Variants in PRMT3 observed in about 807,000 individuals in gnomAD.
PRMT3 encodes the protein protein arginine N-methyltransferase 3.
In PRMT3, 62 loss-of-function variants were observed where a neutral mutation model predicts 71.9. The ratio of observed to expected loss-of-function variants is 0.86; its 90% CI spans 0.70 to 1.07. The LOEUF (loss-of-function observed/expected upper bound fraction) is 1.07, where lower values mean the gene tolerates loss of function less well. Ranked by LOEUF, PRMT3 falls within the 50% of genes least tolerant of loss-of-function variation. The pLI is 0.00. For synonymous variants in PRMT3, 213 were observed against 220.4 expected (o/e 0.97, Z 0.30); for missense variants, 663 against 643.0 (o/e 1.03, Z -0.34).
At chr11:20,408,826 G>T (rs1224702759) in intron 9 of PRMT3, among the ~76,000 whole-genome samples, 3 of 152,166 alleles carry the variant, frequency 2.0e-5, no homozygotes, top group Admixed American at 6.5e-5. Context: ...AGGCATGGTG[G>T]CTCATGTCTG....
At position 20,508,443 on chromosome 11, in the gene PRMT3, T is replaced by G. The variant is rs1470726351; in HGVS notation, c.*30T>G. ...GCCATAAAAGCACACTACCTTGTAGTTTTTAATGTGGGGGTAGAGTGGGTC... is the reference window on the plus strand; with the variant it reads ...GCCATAAAAGCACACTACCTTGTAGGTTTTAATGTGGGGGTAGAGTGGGTC... On this transcript the variant is annotated 3_prime_UTR_variant, in exon 16 of 16. Transcript: ENST00000331079. The G allele has an allele frequency of 1.3e-6, 2 of 1,490,200 alleles. No individual in the cohort carries two copies. The highest frequency in any genetic ancestry group is 3.3e-5 in the Admixed American group (2 of 59,824). 92.3% of individuals were successfully genotyped at this position (1,490,200 alleles called of 1,614,324 possible).
intron 11 of PRMT3, among the ~76,000 whole-genome samples, chr11:20,453,999 A>T (rs568434813): frequency 9.8e-5 from 15 of 152,308 alleles, no homozygotes; most frequent in African/African-American, 3.6e-4. Context: ...TTAATGACTT[A>T]AAAACAACAT....
At position 20,395,908 on chromosome 11, in the gene PRMT3, C is replaced by T; in HGVS notation, c.506C>T (p.Ala169Val). The change falls in exon 6 of 16, where the codon GCA becomes GTA. Residue 169 changes from alanine (A) to valine (V), a missense_variant. Transcript: ENST00000331079. Reference sequence around the variant, plus strand: ...AAATTGAAACATATGGAAGCCAGGGCACTGTCTGCTGAAGCCGCATTGGCC... The same window carrying T: ...AAATTGAAACATATGGAAGCCAGGGTACTGTCTGCTGAAGCCGCATTGGCC... ...VEKLKHMEAR[A>V]LSAEAALARA... 6.2e-7 allele frequency: 1 copy of T among 1,614,138 alleles called. No homozygotes were observed.
At chr11:20,395,689 A>G in intron 5 of PRMT3, 114 bp from the exon 6 acceptor site, 1 of 1,000,424 alleles carries the variant, frequency 1.0e-6, no homozygotes, top group Non-Finnish European at 1.4e-6. Flanking sequence ...ACTTTCACTA[A>G]TCTTTCTCAA....
At chr11:20,492,794 C>T (rs1590108120) in intron 13 of PRMT3, among the ~76,000 whole-genome samples, 2 of 152,286 alleles carry the variant, frequency 1.3e-5, no homozygotes, top group South Asian at 4.1e-4. Context: ...TGCAGTGGCT[C>T]ACACCTCTAA....
At chr11:20,404,245 TTTTTTTTG>T (rs1849022267) in intron 8 of PRMT3, among the ~76,000 whole-genome samples, 1 of 48,878 alleles carries the variant, frequency 2.0e-5, no homozygotes, top group African/African-American at 6.0e-5. Context: ...TTTTTTTTTT[TTTTTTTTG>T]AGACAGAGTC....
At chr11:20,422,185 C>G (rs532525985) in intron 9 of PRMT3, among the ~76,000 whole-genome samples, 7 of 152,252 alleles carry the variant, frequency 4.6e-5, no homozygotes, top group African/African-American at 1.7e-4. Flanking sequence ...TGATGTGTTT[C>G]CCTGATTGTT....
chr11:20,407,994 T>A lies in PRMT3; in HGVS notation c.855T>A (p.Asp285Glu), dbSNP rs1202552582. The change falls in exon 9 of 16, where the codon GAT (aspartate) becomes GAA (glutamate). Residue 285 changes from aspartate to glutamate, a missense_variant. By Grantham distance (45) the Asp-to-Glu change is conservative. Coordinates refer to ENST00000331079, the MANE Select transcript of PRMT3 (RefSeq NM_005788.4). ...KAGAKKVLGVDQSEILYQAMD... is the reference protein window; with the variant it reads ...KAGAKKVLGVEQSEILYQAMD... Reference sequence around the variant, plus strand: ...GGGCGAAGAAGGTTCTTGGAGTTGATCAATCTGAAATACTTTACCAGGCAA... The same window carrying A: ...GGGCGAAGAAGGTTCTTGGAGTTGAACAATCTGAAATACTTTACCAGGCAA... 1 of 1,597,196 alleles carries A rather than the reference T, an allele frequency of 6.3e-7. No homozygotes were observed. The highest frequency in any genetic ancestry group is 1.7e-5 in the Admixed American group (1 of 59,940).
chr11:20,402,238 G>C (rs2133312547), intron 7 of PRMT3, among the ~76,000 whole-genome samples: 1 of 152,110 alleles, frequency 6.6e-6, no homozygotes, highest in South Asian at 2.1e-4. Context: ...TCCTGCCTCA[G>C]CCTCCCCAGT....
intron 11 of PRMT3, among the ~76,000 whole-genome samples, chr11:20,457,761 CT>C (rs967606238): frequency 3.3e-5 from 5 of 152,216 alleles, no homozygotes; most frequent in African/African-American, 9.6e-5. Context: ...TAATCAGCCA[CT>C]GGCATTGGTT....
At chr11:20,493,098 G>C (rs1851247575) in intron 13 of PRMT3, among the ~76,000 whole-genome samples, 1 of 150,218 alleles carries the variant, frequency 6.7e-6, no homozygotes, top group Admixed American at 6.6e-5. Flanking sequence ...AATGAGCTGA[G>C]ATCCCTCTGG....
chr11:20,485,823 A>C (rs1392600112), intron 13 of PRMT3, among the ~76,000 whole-genome samples: 3 of 152,228 alleles, frequency 2.0e-5, no homozygotes, highest in African/African-American at 7.2e-5. Context: ...ACAATTTAAG[A>C]AGTCAACATA....
intron 15 of PRMT3, among the ~76,000 whole-genome samples, chr11:20,501,439 C>G (rs1341127368): frequency 6.6e-6 from 1 of 152,138 alleles, no homozygotes; most frequent in Non-Finnish European, 1.5e-5. Context: ...TTTGCCAACT[C>G]TGGTGTTACC....
At chr11:20,451,005 T>C (rs1184542902) in intron 10 of PRMT3, among the ~76,000 whole-genome samples, 1 of 152,186 alleles carries the variant, frequency 6.6e-6, no homozygotes, top group Non-Finnish European at 1.5e-5. Flanking sequence ...CTTTCCCTGC[T>C]GCATAGGGCT....
intron 8 of PRMT3, among the ~76,000 whole-genome samples, chr11:20,403,691 C>T (rs1849000368): frequency 6.6e-6 from 1 of 151,632 alleles, no homozygotes; most frequent in Non-Finnish European, 1.5e-5. Context: ...TTTGTTCTTC[C>T]TGATGGGAAA....
intron 8 of PRMT3, among the ~76,000 whole-genome samples, chr11:20,404,211 G>GTTTTTTTTTTTT (rs71063629): frequency 2.9e-5 from 1 of 34,332 alleles, no homozygotes; most frequent in East Asian, 1.3e-3. Context: ...ACTTTTCATA[G>GTTTTTTTTTTTT]TTTTTTTTTT....
At chr11:20,500,787 A>G (rs569389062) in intron 15 of PRMT3, among the ~76,000 whole-genome samples, 332 of 152,338 alleles carry the variant, frequency 2.2e-3, no homozygotes, top group African/African-American at 7.4e-3. Flanking sequence ...TGGAAGAAAT[A>G]ATATTTGAGA....
At chr11:20,461,702 T>C (rs115002119) in intron 11 of PRMT3, among the ~76,000 whole-genome samples, 2,917 of 152,312 alleles carry the variant, frequency 0.019, 113 homozygotes, top group African/African-American at 0.067. Flanking sequence ...TCAATAAATA[T>C]GTTTATTTCA....
intron 11 of PRMT3, among the ~76,000 whole-genome samples, chr11:20,461,474 CAT>C (rs1850381511): frequency 6.6e-6 from 1 of 152,148 alleles, no homozygotes. Flanking sequence ...TAGACTGGCA[CAT>C]GTGTCTGGCA....
Sources: gnomAD v4.1 joint callset for allele counts (sites outside exome capture counted in the v4.1 genomes callset) on GRCh38, gnomAD v4.1.1 for gene constraint, MANE v1.5 for transcripts, NCBI Gene and HGNC (gene_info 2026-07-23, HGNC 2026-07-21) for gene names.